Variants in TRPM2 observed in about 807,000 individuals in gnomAD.
The protein encoded by TRPM2 is estrogen-responsive element-associated gene 1 protein.
Under a neutral mutation model 174.0 loss-of-function variants are expected in TRPM2, and 161 were observed. The observed-to-expected ratio is 0.93, with a 90% CI of 0.81 to 1.05. TRPM2 has a LOEUF of 1.05. Ranked by LOEUF, TRPM2 falls within the 50% of genes least tolerant of loss-of-function variation. The probability of loss-of-function intolerance (pLI) is 0.00; values close to 1 mark genes in which losing one functional copy is unlikely to be tolerated. For missense variants in TRPM2, 2,057 were observed against 2,038.0 expected (o/e 1.01, Z -0.18); for synonymous variants, 954 against 861.3 (o/e 1.11, Z -1.88).
intron 9 of TRPM2, among the ~76,000 whole-genome samples, chr21:44,387,866 G>A (rs1023592979): frequency 6.6e-6 from 1 of 152,220 alleles, no homozygotes; most frequent in Admixed American, 6.5e-5. Flanking sequence ...CATTAGGATA[G>A]CTACTATAGA....
At chr21:44,397,094 A>G (rs1293105474) in intron 12 of TRPM2, among the ~76,000 whole-genome samples, 1 of 150,742 alleles carries the variant, frequency 6.6e-6, no homozygotes, top group Non-Finnish European at 1.5e-5. Context: ...GCTGGAGTGC[A>G]GTGGCACAAT....
chr21:44,374,643 G>A (rs568222175), intron 5 of TRPM2, among the ~76,000 whole-genome samples: 16 of 152,174 alleles, frequency 1.1e-4, no homozygotes, highest in Admixed American at 2.0e-4. Flanking sequence ...TAGGTCCCTC[G>A]CATGCACAGT....
chr21:44,411,255 A>G (rs1282250757), intron 19 of TRPM2, among the ~76,000 whole-genome samples: 1 of 152,124 alleles, frequency 6.6e-6, no homozygotes, highest in African/African-American at 2.4e-5. Flanking sequence ...TTGCTTATTT[A>G]ATTCTTTAAT....
intron 9 of TRPM2, among the ~76,000 whole-genome samples, chr21:44,385,576 T>C (rs2048996326): frequency 6.6e-6 from 1 of 152,174 alleles, no homozygotes; most frequent in Admixed American, 6.5e-5. Context: ...AACTTATAAA[T>C]TGGGAAGGAA....
chr21:44,388,421 T>C (rs2049072991), intron 9 of TRPM2, among the ~76,000 whole-genome samples: 1 of 152,016 alleles, frequency 6.6e-6, no homozygotes, highest in Non-Finnish European at 1.5e-5. Context: ...AATGAGGAGT[T>C]AATGTTTAAT....
rs769129299 is a variant in TRPM2 at position 44,441,759 on chromosome 21, A to G, written c.4454A>G (p.Tyr1485Cys). The change falls in exon 32 of 32, where the codon TAT (tyrosine) becomes TGT (cysteine). Residue 1485 changes from tyrosine (Y) to cysteine (C), a missense_variant. Transcript: ENST00000397928. ...WQVVDRRIPLYANHKTLLQKA... is the reference protein window; with the variant it reads ...WQVVDRRIPLCANHKTLLQKA... ...GTGGTGGACAGGCGCATCCCACTCT[A>G]TGCGAACCACAAGACCCTCCTCCAG... The G allele has an allele frequency of 8.7e-6, 14 of 1,612,016 alleles. No individual in the cohort carries two copies. The highest frequency in any genetic ancestry group is 3.3e-5 in the South Asian group (3 of 90,454).
At position 44,439,367 on chromosome 21, in the gene TRPM2, C is replaced by A. The variant is rs1347037587; in HGVS notation, c.4269+199C>A. On this transcript the variant is annotated intron_variant, in intron 30 of 31. Transcript: ENST00000397928. The surrounding 1 kb of genome is among the most constrained non-coding windows in gnomAD (Gnocchi z 5.1). ...CCCGGAAGCATAGCTGTGTGCAGGG[C>A]CCCTCAGACATCTCGCCCTCCCTCT... is the stretch of plus-strand genomic sequence containing the variant. Among the ~76,000 whole-genome samples, 1 of 152,138 alleles carries A rather than the reference C, an allele frequency of 6.6e-6. No homozygotes were observed. The highest frequency in any genetic ancestry group is 1.5e-5 in the Non-Finnish European group (1 of 68,028).
Position 44,417,834 on chromosome 21 carries a change from T to C in TRPM2, c.3147-93T>C. 3 of 1,362,344 alleles carry C rather than the reference T, an allele frequency of 2.2e-6. No individual in the cohort carries two copies. In the South Asian group the frequency reaches 3.9e-5, roughly 18 times the overall value. The allele number at this position is 1,362,344 out of a possible 1,614,324, so 84.4% of individuals were successfully genotyped here. A position where few individuals can be genotyped will look rare whatever the true frequency, so the allele number is the denominator to read the frequency against. The stretch of plus-strand genomic sequence containing the variant: ...TGGGCATGTGGGCGTGGCTCTGCTC[T>C]CTGTGGCATCACAGTGGGCACGCAG... On this transcript the variant is annotated intron_variant, in intron 20 of 31. Coordinates refer to ENST00000397928, the MANE Select transcript of TRPM2 (RefSeq NM_003307.4).
intron 11 of TRPM2, 81 bp from the exon 12 acceptor site, chr21:44,395,333 G>C: frequency 6.5e-7 from 1 of 1,539,010 alleles, no homozygotes; most frequent in Non-Finnish European, 8.8e-7. Context: ...CTGGGGTCAG[G>C]GCCTGCACCT....
chr21:44,439,045 C>T lies in TRPM2; in HGVS notation c.4168-22C>T. On this transcript the variant is annotated intron_variant, in intron 29 of 31. Transcript: ENST00000397928. The surrounding 1 kb of genome is among the most constrained non-coding windows in gnomAD (Gnocchi z 5.1). ...CCCGCTTCGGTGCCCTGTTGACCTG[C>T]CTCCGTCCTCTGTCTGTCCAGGGCT... The T allele has an allele frequency of 6.2e-7, 1 of 1,604,206 alleles. No individual in the cohort carries two copies. Among genetic ancestry groups the T allele is most frequent in the Admixed American group, 1.7e-5 (1 of 59,904 alleles).
chr21:44,399,416 A>T lies in TRPM2; in HGVS notation c.2183A>T (p.Lys728Met). 6.2e-7 allele frequency: 1 copy of T among 1,612,338 alleles called. No individual in the cohort carries two copies. Among genetic ancestry groups the T allele is most frequent in the Non-Finnish European group, 8.5e-7 (1 of 1,179,704 alleles). ...CTCGCCCTGGAGGCCAAGGACATGA[A>T]GTTTGTGTCTCACGGGGGCATCCAG... ...LQLALEAKDMKFVSHGGIQAF... is the reference protein window; with the variant it reads ...LQLALEAKDMMFVSHGGIQAF... The change falls in exon 14 of 32, where the codon AAG becomes ATG. Residue 728 changes from lysine to methionine, a missense_variant. Coordinates refer to ENST00000397928, the MANE Select transcript of TRPM2 (RefSeq NM_003307.4). The surrounding 1 kb of genome is among the most constrained non-coding windows in gnomAD (Gnocchi z 4.6).
At chr21:44,426,323 C>T (rs750539366) in intron 25 of TRPM2, among the ~76,000 whole-genome samples, 51 of 152,330 alleles carry the variant, frequency 3.3e-4, no homozygotes, top group Non-Finnish European at 6.0e-4. Context: ...GCTGCTTCCG[C>T]TGCCTCCCCT....
rs1232192657 is a variant in TRPM2, at chr21:44,379,102, A to G, written c.1120A>G (p.Ile374Val). ...AQVANLPVSD[I>V]TISLIQQKLS... ...GGTGGCCAACCTGCCTGTCTCGGAC[A>G]TCACTATCTCCCTGATCCAGCAGAA... The change falls in exon 8 of 32, where the codon ATC becomes GTC. Residue 374 changes from isoleucine (I) to valine (V), a missense_variant. Transcript: ENST00000397928. 2 of 1,613,398 alleles carry G rather than the reference A, an allele frequency of 1.2e-6. No individual in the cohort carries two copies. The highest frequency in any genetic ancestry group is 4.5e-5 in the East Asian group (2 of 44,898).
intron 27 of TRPM2, among the ~76,000 whole-genome samples, chr21:44,434,863 G>A (rs1187664321): frequency 1.3e-5 from 2 of 152,086 alleles, no homozygotes; most frequent in African/African-American, 2.4e-5. Context: ...TTAGCCCCTC[G>A]CTGGCCTGCA....
rs1376298501 is a variant in TRPM2, at chr21:44,367,266, T to C, written c.604+332T>C. ...GGGAACCTCGGTGGCCTGAGAACCT[T>C]GGTGGCCTGGGAATCTTGGTGGCCT... On this transcript the variant is annotated intron_variant, in intron 4 of 31. Transcript: ENST00000397928. The surrounding 1 kb of genome is among the most constrained non-coding windows in gnomAD (Gnocchi z 4.6). Among the ~76,000 whole-genome samples the C allele has an allele frequency of 6.6e-6, 1 of 150,818 alleles. No individual in the cohort carries two copies. The highest frequency in any genetic ancestry group is 6.6e-5 in the Admixed American group (1 of 15,196).
At chr21:44,425,405 A>G (rs1479295212) in intron 24 of TRPM2, 3 of 437,988 alleles carry the variant, frequency 6.8e-6, no homozygotes, top group Non-Finnish European at 8.1e-6. Context: ...CCGCACTGCG[A>G]GTTCAGCTCA....
At chr21:44,412,211 C>A (rs1238231380) in intron 19 of TRPM2, among the ~76,000 whole-genome samples, 1 of 152,168 alleles carries the variant, frequency 6.6e-6, no homozygotes, top group African/African-American at 2.4e-5. Flanking sequence ...CACCAGTGAA[C>A]TCCTCTGAGT....
chr21:44,431,778 G>T (rs1410661765), intron 27 of TRPM2, among the ~76,000 whole-genome samples: 1 of 152,194 alleles, frequency 6.6e-6, no homozygotes, highest in Non-Finnish European at 1.5e-5. Flanking sequence ...GCCTGGTCAT[G>T]TGCTTATAGT....
intron 24 of TRPM2, chr21:44,425,202 C>G (rs567691185): frequency 2.0e-4 from 101 of 502,950 alleles, no homozygotes; most frequent in Middle Eastern, 5.2e-4. Context: ...CTGAGCTCCC[C>G]ACATACCGCA....
Sources: allele counts gnomAD v4.1 joint callset (sites outside exome capture counted in the v4.1 genomes callset), GRCh38; gene constraint gnomAD v4.1.1; non-coding constraint Gnocchi (gnomAD v3.1); transcripts MANE v1.5; gene names NCBI Gene and HGNC (gene_info 2026-07-23, HGNC 2026-07-21).